Variants in UTRN observed in about 807,000 individuals in gnomAD.
The protein encoded by UTRN is utrophin.
Under a neutral mutation model 463.9 loss-of-function variants are expected in UTRN, and 283 were observed. The ratio of observed to expected loss-of-function variants is 0.61; its 90% CI spans 0.55 to 0.67. UTRN has a LOEUF of 0.67. UTRN is among the 30% of genes least tolerant of loss of function. The pLI is 0.00. For missense variants in UTRN, 3,922 were observed against 4,084.3 expected (o/e 0.96, Z 1.08); for synonymous variants, 1,442 against 1,431.5 (o/e 1.01, Z -0.17).
At chr6:144,562,286 G>A (rs1321004554) in intron 50 of UTRN, among the ~76,000 whole-genome samples, 2 of 152,064 alleles carry the variant, frequency 1.3e-5, no homozygotes, top group Non-Finnish European at 2.9e-5. Context: ...GTGGTTTGCT[G>A]CATCTATCAA....
intron 50 of UTRN, among the ~76,000 whole-genome samples, chr6:144,557,695 G>T (rs577456093): frequency 6.6e-6 from 1 of 152,024 alleles, no homozygotes; most frequent in African/African-American, 2.4e-5. Flanking sequence ...TTGGAATAGC[G>T]TGCTATTTGG....
intron 65 of UTRN, among the ~76,000 whole-genome samples, chr6:144,813,554 A>G (rs1778816801): frequency 6.6e-6 from 1 of 152,218 alleles, no homozygotes; most frequent in South Asian, 2.1e-4. Flanking sequence ...ACATTTATAA[A>G]GAGACATTTG....
rs1297605530 is a variant in UTRN at position 144,537,603 on chromosome 6, G to A, written c.6255G>A (p.Gln2085=). The A allele has an allele frequency of 1.3e-6, 2 of 1,599,152 alleles. No homozygotes were observed. The highest frequency in any genetic ancestry group is 1.7e-6 in the Non-Finnish European group (2 of 1,173,896). ...RQPRLKGESK[Q]VMKYRHQLDE... is the part of the protein sequence containing the mutation. ...TTAGGCTAAAAGGAGAAAGTAAGCA[G>A]GTGATGAAGTACAGGCATCAGCTAG... The change falls in exon 44 of 75, where the codon CAG becomes CAA. Residue 2085 remains glutamine, a synonymous_variant. Coordinates refer to ENST00000367545, the MANE Select transcript of UTRN (RefSeq NM_007124.3).
intron 7 of UTRN, among the ~76,000 whole-genome samples, chr6:144,427,815 C>T (rs751351990): frequency 5.9e-5 from 9 of 152,154 alleles, no homozygotes; most frequent in Non-Finnish European, 1.0e-4. Flanking sequence ...GTGCTAGACA[C>T]AGGGTATACA....
At chr6:144,395,917 A>C (rs962069215) in intron 2 of UTRN, among the ~76,000 whole-genome samples, 1 of 152,178 alleles carries the variant, frequency 6.6e-6, no homozygotes, top group African/African-American at 2.4e-5. Context: ...TGGAACTCTC[A>C]TGCATTATGG....
At chr6:144,308,928 G>A (rs73586977) in intron 2 of UTRN, among the ~76,000 whole-genome samples, 12,024 of 152,052 alleles carry the variant, frequency 0.079, 1,607 homozygotes, top group African/African-American at 0.27. Flanking sequence ...TTTGCAGTTC[G>A]TCTCCTTTCA....
intron 54 of UTRN, among the ~76,000 whole-genome samples, chr6:144,738,384 T>C (rs1162880822): frequency 2.0e-5 from 3 of 152,058 alleles, no homozygotes; most frequent in Admixed American, 2.0e-4. Flanking sequence ...CCCCCAAACC[T>C]CCAGAGGGAA....
intron 2 of UTRN, among the ~76,000 whole-genome samples, chr6:144,351,448 C>T (rs899664941): frequency 3.3e-5 from 5 of 152,320 alleles, no homozygotes; most frequent in African/African-American, 4.8e-5. Flanking sequence ...CATTTAACCA[C>T]AGATCCAGTA....
At chr6:144,486,280 T>G (rs1298304069) in intron 28 of UTRN, among the ~76,000 whole-genome samples, 3 of 152,208 alleles carry the variant, frequency 2.0e-5, no homozygotes, top group Admixed American at 2.0e-4. Context: ...AAGATGTCAC[T>G]TCTCAAATAT....
intron 41 of UTRN, among the ~76,000 whole-genome samples, chr6:144,528,027 G>A (rs1296069618): frequency 1.6e-5 from 2 of 128,052 alleles, no homozygotes; most frequent in African/African-American, 6.5e-5. Flanking sequence ...TGGTAAGCTA[G>A]TGTGATTTTT....
chr6:144,321,466 T>C (rs1775640081), intron 2 of UTRN, among the ~76,000 whole-genome samples: 1 of 121,878 alleles, frequency 8.2e-6, no homozygotes, highest in East Asian at 2.1e-4. Context: ...CATATCTTTT[T>C]TTTTTTTTTT....
intron 52 of UTRN, among the ~76,000 whole-genome samples, chr6:144,680,314 C>G (rs1782077613): frequency 6.6e-6 from 1 of 151,950 alleles, no homozygotes; most frequent in African/African-American, 2.4e-5. Flanking sequence ...GGAGTTATTG[C>G]CTAAGCCTAT....
At position 144,766,787 on chromosome 6, in the gene UTRN, G is replaced by GGTGT. The variant is rs35485550; in HGVS notation, c.8496-5105_8496-5102dup. 7.6e-4 allele frequency among the ~76,000 whole-genome samples: 115 copies of GGTGT among 150,988 alleles called. 2 individuals carry two copies. The South Asian group carries it at 0.014, about 19-fold the overall frequency. ...GCAGAAAATGTAGATTTGAGGTAGG[G>GGTGT]GTGTGTGTGTGTGTGTGTTTAAGGA... On this transcript the variant is annotated intron_variant, in intron 58 of 74. Coordinates refer to ENST00000367545, the MANE Select transcript of UTRN (RefSeq NM_007124.3).
chr6:144,565,526 G>C (rs1800325810), intron 50 of UTRN, among the ~76,000 whole-genome samples: 1 of 152,128 alleles, frequency 6.6e-6, no homozygotes, highest in Non-Finnish European at 1.5e-5. Flanking sequence ...AACAAAAAAG[G>C]AGGAAGGAGC....
chr6:144,627,712 G>T (rs1338814935), intron 51 of UTRN, among the ~76,000 whole-genome samples: 1 of 150,596 alleles, frequency 6.6e-6, no homozygotes, highest in Non-Finnish European at 1.5e-5. Flanking sequence ...TACAATATTT[G>T]TCTTTTTGTG....
chr6:144,496,829 G>A (rs140928317), intron 33 of UTRN, among the ~76,000 whole-genome samples: 23 of 152,302 alleles, frequency 1.5e-4, no homozygotes, highest in African/African-American at 5.5e-4. Flanking sequence ...AGGAGGTGAT[G>A]CATAAGCCGA....
chr6:144,470,132 C>T (rs1427704064), intron 23 of UTRN, among the ~76,000 whole-genome samples: 1 of 152,244 alleles, frequency 6.6e-6, no homozygotes. Context: ...AATCCGATCT[C>T]TCCTTCTTTT....
At chr6:144,291,064 G>A (rs372778574) in intron 1 of UTRN, among the ~76,000 whole-genome samples, 32 of 151,938 alleles carry the variant, frequency 2.1e-4, no homozygotes, top group Non-Finnish European at 1.6e-4. Flanking sequence ...ATGAGCCACC[G>A]TGCCCGTCCC....
chr6:144,360,112 C>CTCCCG (rs1554225381), intron 2 of UTRN, among the ~76,000 whole-genome samples: 1 of 120,412 alleles, frequency 8.3e-6, no homozygotes, highest in Middle Eastern at 3.9e-3. Flanking sequence ...CTCCCCTCCC[C>CTCCCG]CCTTCCTTCC....
Sources: gnomAD v4.1 joint callset for allele counts (sites outside exome capture counted in the v4.1 genomes callset) on GRCh38, gnomAD v4.1.1 for gene constraint, MANE v1.5 for transcripts, NCBI Gene and HGNC (gene_info 2026-07-23, HGNC 2026-07-21) for gene names.